The following AK7 variants were observed in gnomAD, a reference collection of about 807,000 sequenced individuals.
AK7 encodes adenylate kinase 7, also known as ATP-AMP transphosphorylase 7.
A neutral mutation model predicts 96.6 loss-of-function variants in AK7; 78 were observed. That is an observed-to-expected ratio of 0.81 (90% CI 0.67 to 0.97). The LOEUF (loss-of-function observed/expected upper bound fraction) is 0.97, where lower values mean the gene tolerates loss of function less well. Ranked by LOEUF, AK7 falls within the 50% of genes least tolerant of loss-of-function variation. The pLI, the probability that AK7 is intolerant of heterozygous loss-of-function variation, is 0.00. For synonymous variants in AK7, 302 were observed against 317.2 expected (o/e 0.95, Z 0.51); for missense variants, 855 against 887.9 (o/e 0.96, Z 0.47).
chr14:96,434,441 TC>T (rs1892531352), intron 5 of AK7, among the ~76,000 whole-genome samples: 1 of 152,038 alleles, frequency 6.6e-6, no homozygotes, highest in African/African-American at 2.4e-5. Flanking sequence ...TCTCTCTCTC[TC>T]TCTCTCTCTC....
At chr14:96,477,243 T>G (rs535865883) in intron 14 of AK7, among the ~76,000 whole-genome samples, 1 of 152,352 alleles carries the variant, frequency 6.6e-6, no homozygotes, top group South Asian at 2.1e-4. Flanking sequence ...ACAGTTAACA[T>G]CTGCAGCAGA....
chr14:96,486,960 C>G lies in AK7; in HGVS notation c.2037C>G (p.Pro679=). ...ERELLEAQSI[P]LRNYLMTYVM... ...AATTACTGGAGGCTCAGTCAATTCC[C>G]CTGAGAAACTATTTAATGACCTATG... is the stretch of plus-strand genomic sequence containing the variant. The change falls in exon 17 of 18, where the codon CCC becomes CCG. Residue 679 remains proline, a synonymous_variant. Transcript: ENST00000267584. 6.2e-7 allele frequency: 1 copy of G among 1,613,696 alleles called. No individual in the cohort carries two copies. Among genetic ancestry groups the G allele is most frequent in the Non-Finnish European group, 8.5e-7 (1 of 1,179,698 alleles).
chr14:96,459,353 A>AG (rs950516971), intron 12 of AK7, among the ~76,000 whole-genome samples: 52 of 152,082 alleles, frequency 3.4e-4, no homozygotes, highest in South Asian at 8.3e-4. Flanking sequence ...AAAAGAAAAA[A>AG]AAATCACACA....
intron 12 of AK7, among the ~76,000 whole-genome samples, chr14:96,469,460 G>A (rs778648940): frequency 2.6e-5 from 4 of 152,104 alleles, no homozygotes; most frequent in Non-Finnish European, 5.9e-5. Flanking sequence ...AGGAGACAGA[G>A]GTTGCAGTGA....
At chr14:96,429,140 T>C (rs1042570803) in intron 5 of AK7, among the ~76,000 whole-genome samples, 39 of 151,754 alleles carry the variant, frequency 2.6e-4, no homozygotes, top group Non-Finnish European at 5.1e-4. Flanking sequence ...AATTTTTGTA[T>C]AAGGTGTAAG....
chr14:96,392,803 C>T (rs1889834096), intron 1 of AK7, among the ~76,000 whole-genome samples: 1 of 152,108 alleles, frequency 6.6e-6, no homozygotes, highest in Non-Finnish European at 1.5e-5. Flanking sequence ...GCTGGGACTA[C>T]AGGCGCCCGA....
chr14:96,429,729 A>G (rs1021268289), intron 5 of AK7, among the ~76,000 whole-genome samples: 4 of 152,112 alleles, frequency 2.6e-5, no homozygotes, highest in Admixed American at 2.0e-4. Context: ...AAGCAATTCC[A>G]AATGAGAGTT....
At chr14:96,482,584 T>A (rs903342571) in intron 15 of AK7, among the ~76,000 whole-genome samples, 3 of 152,352 alleles carry the variant, frequency 2.0e-5, no homozygotes. Flanking sequence ...ATTGAAAATG[T>A]ATCCCAGTAT....
At chr14:96,468,537 T>C (rs1422295148) in intron 12 of AK7, among the ~76,000 whole-genome samples, 1 of 152,052 alleles carries the variant, frequency 6.6e-6, no homozygotes, top group Non-Finnish European at 1.5e-5. Context: ...GACCTCGTGA[T>C]CCACCTGCCT....
chr14:96,483,712 C>A (rs1417234317), intron 16 of AK7, among the ~76,000 whole-genome samples: 4 of 152,176 alleles, frequency 2.6e-5, no homozygotes, highest in African/African-American at 9.7e-5. Flanking sequence ...AGGCATGAGC[C>A]ACCATGCCCA....
chr14:96,400,813 C>T (rs1462747690), intron 2 of AK7, among the ~76,000 whole-genome samples: 1 of 152,200 alleles, frequency 6.6e-6, no homozygotes, highest in African/African-American at 2.4e-5. Flanking sequence ...TCCTTTAAGC[C>T]AGAAGAGGGA....
At position 96,471,566 on chromosome 14, in the gene AK7, A is replaced by T. The variant is rs777676929; in HGVS notation, c.1446A>T (p.Gly482=). 6.2e-7 allele frequency: 1 copy of T among 1,600,072 alleles called. No homozygotes were observed. The highest frequency in any genetic ancestry group is 1.1e-5 in the South Asian group (1 of 87,546). The part of the protein sequence containing the change: ...PCRNQGYILD[G]FPKTYDQAKD... ...GGAATCAAGGTTATATTTTGGATGG[A>T]TTCCCAAAGACCTATGATCAAGCAA... The change falls in exon 13 of 18, where the codon GGA becomes GGT. Residue 482 remains glycine (G), a synonymous_variant. Coordinates refer to ENST00000267584, the MANE Select transcript of AK7 (RefSeq NM_152327.5).
chr14:96,428,704 T>C (rs1193777348), intron 5 of AK7, among the ~76,000 whole-genome samples: 1 of 152,232 alleles, frequency 6.6e-6, no homozygotes, highest in South Asian at 2.1e-4. Flanking sequence ...TGCATTTCTC[T>C]GATGGCCAGT....
chr14:96,423,230 C>T (rs959730991), intron 5 of AK7, among the ~76,000 whole-genome samples: 1 of 152,130 alleles, frequency 6.6e-6, no homozygotes, highest in Non-Finnish European at 1.5e-5. Context: ...AGCCTCATTG[C>T]GAGCCTCTGG....
In AK7 at chr14:96,407,332, A is replaced by G. The variant is rs569174855; in HGVS notation, c.404-1515A>G. Reference sequence around the variant, plus strand: ...TGTTATTAGACTAAAAATAGAAACAAAAGTAACACAAAGTTTGGAATAATA... The same window carrying G: ...TGTTATTAGACTAAAAATAGAAACAGAAGTAACACAAAGTTTGGAATAATA... On this transcript the variant is annotated intron_variant, in intron 3 of 17. Coordinates refer to ENST00000267584, the MANE Select transcript of AK7 (RefSeq NM_152327.5). 2.0e-5 allele frequency among the ~76,000 whole-genome samples: 3 copies of G among 152,334 alleles called. No homozygotes were observed. In the South Asian group the frequency reaches 6.2e-4, roughly 32 times the overall value.
intron 8 of AK7, among the ~76,000 whole-genome samples, chr14:96,449,173 A>G (rs1390179828): frequency 6.6e-6 from 1 of 152,064 alleles, no homozygotes; most frequent in Non-Finnish European, 1.5e-5. Flanking sequence ...AGCTCCTACT[A>G]CCATCAGCTT....
intron 15 of AK7, among the ~76,000 whole-genome samples, chr14:96,480,083 G>A (rs1318809056): frequency 6.6e-6 from 1 of 152,188 alleles, no homozygotes; most frequent in East Asian, 1.9e-4. Context: ...AGTTCAACAA[G>A]TGGTCATTTT....
chr14:96,451,445 G>T lies in AK7; in HGVS notation c.973G>T (p.Val325Phe), dbSNP rs1312215277. 1 of 1,582,494 alleles carries T rather than the reference G, an allele frequency of 6.3e-7. No homozygotes were observed. The highest frequency in any genetic ancestry group is 1.8e-5 in the Admixed American group (1 of 55,190). Residue 325 changes from valine (V) to phenylalanine (F), a missense_variant, in exon 10 of 18, where the codon GTC becomes TTC. Transcript: ENST00000267584. ...LTQDCLDHLL[V>F]NLRMEALFVK... is the part of the protein sequence containing the mutation. ...GCAAGATTGTCTTGACCATTTACTG[G>T]TCAACTTAAGAATGGAAGCGCTCTT... is the stretch of plus-strand genomic sequence containing the variant.
At chr14:96,477,386 A>G (rs918343319) in intron 14 of AK7, among the ~76,000 whole-genome samples, 1 of 152,200 alleles carries the variant, frequency 6.6e-6, no homozygotes, top group Non-Finnish European at 1.5e-5. Flanking sequence ...TGATGTTATA[A>G]GCCAATACAA....
Sources: gnomAD v4.1 joint callset for allele counts (sites outside exome capture counted in the v4.1 genomes callset) on GRCh38, gnomAD v4.1.1 for gene constraint, MANE v1.5 for transcripts, NCBI Gene and HGNC (gene_info 2026-07-23, HGNC 2026-07-21) for gene names.